Variants in THBS2 observed in about 807,000 individuals in gnomAD.
THBS2 encodes the protein thrombospondin 2.
In THBS2, 47 loss-of-function variants were observed where a neutral mutation model predicts 135.2. The observed-to-expected ratio is 0.35, with a 90% CI of 0.28 to 0.44. THBS2 has a LOEUF of 0.44. Among genes scored for constraint, THBS2 ranks in the 20% least tolerant of loss-of-function variants. The pLI is 1.00. For synonymous variants in THBS2, 639 were observed against 633.8 expected (o/e 1.01, Z -0.12); for missense variants, 1,288 against 1,603.1 (o/e 0.80, Z 3.36).
rs1387352296 is a variant in THBS2 at position 169,232,806 on chromosome 6, A to G, written c.1790T>C (p.Val597Ala). ...GCTGGTGGAGAAGCAGATGTCGGGG[A>G]CCAGGGCACACTGCGGGGACAAGCA... ...HCEDLDECAL[V>A]PDICFSTSKV... The change falls in exon 12 of 22, where the codon GTC becomes GCC. Residue 597 changes from valine to alanine, a missense_variant. Physicochemically the swap from Val to Ala is moderately conservative, Grantham distance 64. Around this residue, in one of 2 missense-constraint regions of THBS2, gnomAD observed 874 missense variants for 1,156.1 expected, o/e 0.76. Coordinates refer to ENST00000617924, the MANE Select transcript of THBS2 (RefSeq NM_003247.5). 1.2e-6 allele frequency: 2 copies of G among 1,613,360 alleles called. No individual in the cohort carries two copies. Among genetic ancestry groups the G allele is most frequent in the South Asian group, 1.1e-5 (1 of 90,972 alleles).
chr6:169,242,074 ACACAAGGCGGAGGACTGGGC>A (rs959304128), intron 4 of THBS2, 116 bp from the exon 5 acceptor site: 105 of 1,195,594 alleles, frequency 8.8e-5, no homozygotes, highest in Non-Finnish European at 1.1e-4. Flanking sequence ...GTGCTGGGAG[ACACAAGGCGGAGGACTGGGC>A]CAGCAGCAGA....
intron 17 of THBS2, among the ~76,000 whole-genome samples, chr6:169,224,107 T>G (rs1779532957): frequency 1.3e-5 from 2 of 148,896 alleles, no homozygotes; most frequent in African/African-American, 5.0e-5. Context: ...CAGATTGCAA[T>G]GTACTGAATT....
intron 2 of THBS2, among the ~76,000 whole-genome samples, chr6:169,249,758 C>A (rs370900747): frequency 2.6e-5 from 4 of 152,286 alleles, no homozygotes; most frequent in African/African-American, 9.6e-5. Context: ...AAGCCAGGCG[C>A]GGTGGCTCAC....
chr6:169,215,897 A>G lies in THBS2; in HGVS notation c.*1925T>C, dbSNP rs1779155304. On this transcript the variant is annotated 3_prime_UTR_variant, in exon 22 of 22. Coordinates refer to ENST00000617924, the MANE Select transcript of THBS2 (RefSeq NM_003247.5). The stretch of plus-strand genomic sequence containing the variant: ...TTTGACCATGTGAACACATAAATAA[A>G]TATTTACAGTCTTTGGCAAAACACA... 1.3e-5 allele frequency: 2 copies of G among 152,620 alleles called. No individual in the cohort carries two copies. The highest frequency in any genetic ancestry group is 1.3e-4 in the Admixed American group (2 of 15,290). The allele number at this position is 152,620 out of a possible 1,614,324, so 9.5% of individuals were successfully genotyped here. A position where few individuals can be genotyped will look rare whatever the true frequency, so the allele number is the denominator to read the frequency against.
At chr6:169,225,455 G>A (rs1583406551) in intron 16 of THBS2, 76 bp from the exon 17 acceptor site, 2 of 1,420,528 alleles carry the variant, frequency 1.4e-6, no homozygotes, top group Non-Finnish European at 1.9e-6. Context: ...CAGGACGCAA[G>A]CCTGAGAGCC....
chr6:169,232,057 C>T lies in THBS2; in HGVS notation c.2074G>A (p.Gly692Arg), dbSNP rs778720116. 3.1e-6 allele frequency: 5 copies of T among 1,614,050 alleles called. No homozygotes were observed. Among genetic ancestry groups the T allele is most frequent in the Middle Eastern group, 1.6e-4 (1 of 6,062 alleles). ...TGYAGDGLIC[G>R]EDSDLDGWPN... ...CAGCCGTCCAGGTCCGAGTCCTCCCCGCAGATGAGCCCGTCGCCCGCGTAG... is the reference window on the plus strand; with the variant it reads ...CAGCCGTCCAGGTCCGAGTCCTCCCTGCAGATGAGCCCGTCGCCCGCGTAG... Residue 692 changes from glycine (G) to arginine (R), a missense_variant, in exon 13 of 22, where the codon GGG becomes AGG. Physicochemically the swap from Gly to Arg is moderately radical, Grantham distance 125. This residue lies in a region of THBS2 where 874 missense variants were observed against 1,156.1 expected (regional missense o/e 0.76). Coordinates refer to ENST00000617924, the MANE Select transcript of THBS2 (RefSeq NM_003247.5).
chr6:169,245,457 G>T (rs1780507353), intron 4 of THBS2, among the ~76,000 whole-genome samples: 1 of 152,160 alleles, frequency 6.6e-6, no homozygotes, highest in Admixed American at 6.5e-5. Context: ...AAGTAGCATA[G>T]ATTTCCATCA....
In THBS2 at chr6:169,232,655, CT is replaced by C; in HGVS notation, c.1932+8del. 2 of 1,593,076 alleles carry C rather than the reference CT, an allele frequency of 1.3e-6. No homozygotes were observed. Among genetic ancestry groups the C allele is most frequent in the Non-Finnish European group, 1.7e-6 (2 of 1,170,152 alleles). ...CTCGCAACACACAAGGAAGGCCGGC[CT>C]TGCGTACTTGCTTTTCCGTCTTGGC... On this transcript the variant is annotated splice_region_variant and intron_variant, in intron 12 of 21. Coordinates refer to ENST00000617924, the MANE Select transcript of THBS2 (RefSeq NM_003247.5).
chr6:169,222,693 G>A (rs1027859253), intron 18 of THBS2, among the ~76,000 whole-genome samples: 2 of 151,808 alleles, frequency 1.3e-5, no homozygotes, highest in African/African-American at 2.4e-5. Flanking sequence ...TACTCAGGAG[G>A]CTGAGGCAGG....
rs1562360087 is a variant in THBS2 at position 169,236,482 on chromosome 6, ACACTCACTC to A, written c.1477+679_1477+687del. Among the ~76,000 whole-genome samples the A allele has an allele frequency of 1.4e-4, 7 of 51,084 alleles. 1 individual carries two copies. Among genetic ancestry groups the A allele is most frequent in the African/African-American group, 2.9e-4 (5 of 17,384 alleles). 33.5% of individuals were successfully genotyped at this position (51,084 alleles called of 152,430 possible). A position where few individuals can be genotyped will look rare whatever the true frequency, so the allele number is the denominator to read the frequency against. ...CACCATCCACACTCACTCCCCATCC[ACACTCACTC>A]TCCACATTCACTCCCATCTACACTC... is the stretch of plus-strand genomic sequence containing the variant. On this transcript the variant is annotated intron_variant, in intron 9 of 21. Coordinates refer to ENST00000617924, the MANE Select transcript of THBS2 (RefSeq NM_003247.5).
At chr6:169,248,228 G>A (rs913663086) in intron 3 of THBS2, among the ~76,000 whole-genome samples, 189 bp downstream of exon 3, 2 of 152,062 alleles carry the variant, frequency 1.3e-5, no homozygotes, top group African/African-American at 4.8e-5. Flanking sequence ...GGCTGCGTGT[G>A]GTGGGCAGTG....
chr6:169,242,993 GCACCTTCCCACCTTCCCACATTCC>G (rs1780403459), intron 4 of THBS2, among the ~76,000 whole-genome samples: 2 of 8,022 alleles, frequency 2.5e-4, no homozygotes, highest in African/African-American at 7.0e-4. Flanking sequence ...TCCCACATTC[GCACCTTCCCACCTTCCCACATTCC>G]CACCTTCCCA....
intron 1 of THBS2, among the ~76,000 whole-genome samples, chr6:169,253,371 A>G (rs1412829419): frequency 1.3e-5 from 2 of 152,194 alleles, no homozygotes; most frequent in Non-Finnish European, 2.9e-5. Flanking sequence ...CTCATGTGGA[A>G]TCTTCTTCTT....
At chr6:169,243,044 A>C (rs1316938572) in intron 4 of THBS2, among the ~76,000 whole-genome samples, 2 of 42,642 alleles carry the variant, frequency 4.7e-5, no homozygotes, top group African/African-American at 1.2e-4. Context: ...CACCGCTCCC[A>C]CCTTCCCACC....
intron 5 of THBS2, 112 bp from the exon 6 acceptor site, chr6:169,240,704 GT>G: frequency 7.3e-7 from 1 of 1,366,808 alleles, no homozygotes; most frequent in East Asian, 2.5e-5. Flanking sequence ...CTAAAGTCAA[GT>G]AAGACTTGAC....
At chr6:169,219,326 G>A (rs999413217) in intron 21 of THBS2, among the ~76,000 whole-genome samples, 1 of 130,434 alleles carries the variant, frequency 7.7e-6, no homozygotes, top group Admixed American at 7.8e-5. Context: ...TGAGATGGGT[G>A]GGTGTGTGGG....
At chr6:169,242,086 G>A (rs1436865159) in intron 4 of THBS2, 128 bp from the exon 5 acceptor site, 1 of 1,063,568 alleles carries the variant, frequency 9.4e-7, no homozygotes, top group African/African-American at 1.6e-5. Flanking sequence ...ACAAGGCGGA[G>A]GACTGGGCCA....
intron 20 of THBS2, 26 bp from the exon 21 acceptor site, chr6:169,220,363 A>G (rs1779379257): frequency 1.3e-6 from 2 of 1,582,584 alleles, no homozygotes. Context: ...AAAAAGAAGA[A>G]GAGGAAAGAA....
chr6:169,242,003 G>C lies in THBS2; in HGVS notation c.695-45C>G, dbSNP rs1186942435. 3 of 1,562,612 alleles carry C rather than the reference G, an allele frequency of 1.9e-6. No homozygotes were observed. The South Asian group carries it at 3.5e-5, about 18-fold the overall frequency. ...GGCCGTGAGCATCACAGAGGACGGGGCCAGCAGCAGGGGCTGGGAACAGAG... is the reference window on the plus strand; with the variant it reads ...GGCCGTGAGCATCACAGAGGACGGGCCCAGCAGCAGGGGCTGGGAACAGAG... On this transcript the variant is annotated intron_variant, in intron 4 of 21. Transcript: ENST00000617924.
Sources: allele counts gnomAD v4.1 joint callset (sites outside exome capture counted in the v4.1 genomes callset), GRCh38; gene constraint gnomAD v4.1.1; regional missense constraint gnomAD v4.1.1; transcripts MANE v1.5; gene names NCBI Gene and HGNC (gene_info 2026-07-23, HGNC 2026-07-21).